Variants in WFDC10B observed in about 807,000 individuals in gnomAD.
WFDC10B encodes the protein WAP four-disulfide core domain 10B.
Under a neutral mutation model 2.7 loss-of-function variants are expected in WFDC10B, and 1 was observed. The observed-to-expected ratio is 0.38, with a 90% CI of 0.13 to 1.79. WFDC10B has a LOEUF of 1.79. WFDC10B is among the 40% of genes most tolerant of loss of function. WFDC10B has a pLI of 0.33. For synonymous variants in WFDC10B, 26 were observed against 32.2 expected (o/e 0.81, Z 0.65); for missense variants, 71 against 87.8 (o/e 0.81, Z 0.76).
chr20:45,702,240 G>A, intron 2 of WFDC10B: 4 of 1,595,732 alleles, frequency 2.5e-6, no homozygotes, highest in Non-Finnish European at 3.4e-6. Flanking sequence ...CCCAAGGAGG[G>A]AAGTAACATG....
chr20:45,704,893 C>T (rs571448379), intron 1 of WFDC10B, 25 bp downstream of exon 1: 27 of 1,611,992 alleles, frequency 1.7e-5, no homozygotes, highest in South Asian at 1.3e-4. Flanking sequence ...ACCCAGAATC[C>T]ACCCTTATCC....
intron 2 of WFDC10B, among the ~76,000 whole-genome samples, chr20:45,693,399 T>A (rs1983878672): frequency 6.6e-6 from 1 of 152,212 alleles, no homozygotes; most frequent in South Asian, 2.1e-4. Context: ...AAGTTACTGC[T>A]GTCTTTGTTT....
chr20:45,695,328 G>T (rs1183887070), intron 2 of WFDC10B, among the ~76,000 whole-genome samples: 2 of 152,178 alleles, frequency 1.3e-5, no homozygotes, highest in Admixed American at 1.3e-4. Flanking sequence ...AGAATTGGTT[G>T]TTGGTGTTGG....
At chr20:45,699,981 A>C (rs1000864432) in intron 2 of WFDC10B, among the ~76,000 whole-genome samples, 30 of 152,188 alleles carry the variant, frequency 2.0e-4, no homozygotes, top group Non-Finnish European at 3.4e-4. Flanking sequence ...CCAGCCGTGC[A>C]TTTATCCTTT....
chr20:45,700,222 A>C (rs747378345), intron 2 of WFDC10B, among the ~76,000 whole-genome samples: 3 of 152,204 alleles, frequency 2.0e-5, no homozygotes, highest in Non-Finnish European at 4.4e-5. Flanking sequence ...ATATATTGTT[A>C]AATGAAAACA....
chr20:45,696,572 CA>C (rs1156383235), intron 2 of WFDC10B, among the ~76,000 whole-genome samples: 1 of 152,002 alleles, frequency 6.6e-6, no homozygotes, highest in Non-Finnish European at 1.5e-5. Context: ...AGTGGGACAT[CA>C]CCACCAACCT....
At chr20:45,700,068 T>C (rs918029816) in intron 2 of WFDC10B, among the ~76,000 whole-genome samples, 11 of 152,352 alleles carry the variant, frequency 7.2e-5, no homozygotes, top group South Asian at 4.1e-4. Context: ...TAATTGTTCA[T>C]TGCAGCATTA....
rs569566851 is a variant in WFDC10B, at chr20:45,704,818, G to A, written c.-130+100C>T. 1.1e-4 allele frequency: 145 copies of A among 1,375,912 alleles called. 1 individual carries two copies. Among genetic ancestry groups the A allele is most frequent in the Middle Eastern group, 2.2e-4 (1 of 4,630 alleles). The allele number at this position is 1,375,912 out of a possible 1,614,324, so 85.2% of individuals were successfully genotyped here. On this transcript the variant is annotated intron_variant, in intron 1 of 3. Transcript: ENST00000330523. ...ATCACCACATCCCATCACCATATCC[G>A]TGAATTTCTGACTCTGCCTCTCTGA...
intron 2 of WFDC10B, among the ~76,000 whole-genome samples, chr20:45,690,709 A>G (rs1246541506): frequency 6.6e-6 from 1 of 151,426 alleles, no homozygotes; most frequent in Non-Finnish European, 1.5e-5. Context: ...TTTTTATTGC[A>G]TCTATTTGAT....
At chr20:45,699,488 T>C (rs77008514) in intron 2 of WFDC10B, among the ~76,000 whole-genome samples, 3,423 of 152,238 alleles carry the variant, frequency 0.022, 140 homozygotes, top group African/African-American at 0.079. Context: ...ACATAGTAAA[T>C]GAACCTCAAA....
rs75161392 is a variant in WFDC10B at position 45,691,974 on chromosome 20, A to C, written c.-64-5918T>G. 7.2e-4 allele frequency among the ~76,000 whole-genome samples: 109 copies of C among 152,252 alleles called. 4 individuals are homozygous for C. The South Asian group carries it at 0.022, about 31-fold the overall frequency. On this transcript the variant is annotated intron_variant, in intron 2 of 3. Transcript: ENST00000330523. ...TGACATGATTTTGCAGTGGCTGGTA[A>C]CGGTTGTTCCTTTCCATGTTTAGTG...
intron 2 of WFDC10B, among the ~76,000 whole-genome samples, chr20:45,688,616 G>GT (rs1266913107): frequency 1.3e-5 from 2 of 152,150 alleles, no homozygotes; most frequent in African/African-American, 2.4e-5. Flanking sequence ...TTTTTCATGT[G>GT]TTTTTTGGCT....
chr20:45,702,705 T>G (rs1984215704), intron 2 of WFDC10B, among the ~76,000 whole-genome samples: 1 of 152,194 alleles, frequency 6.6e-6, no homozygotes, highest in Admixed American at 6.5e-5. Context: ...TTCCACATTT[T>G]CAAACTCCAG....
chr20:45,693,720 G>C (rs1287412057), intron 2 of WFDC10B, among the ~76,000 whole-genome samples: 1 of 152,206 alleles, frequency 6.6e-6, no homozygotes, highest in Non-Finnish European at 1.5e-5. Flanking sequence ...GATTTTCCAG[G>C]TGCCGTCTGT....
intron 2 of WFDC10B, among the ~76,000 whole-genome samples, chr20:45,689,125 A>G (rs1280573152): frequency 4.1e-5 from 6 of 147,184 alleles, no homozygotes; most frequent in African/African-American, 1.3e-4. Flanking sequence ...TGTTTTTCTC[A>G]GGTTTGTCAA....
Position 45,684,805 on chromosome 20 carries a change from T to C in WFDC10B, c.*25A>G, listed in dbSNP as rs1027904812. On this transcript the variant is annotated 3_prime_UTR_variant, in exon 4 of 4. Transcript: ENST00000330523. ...GGATGGAAGGGTTCAGGGAGCAGGA[T>C]GCACATCCCAGCCCACTCTCCCACT... The C allele has an allele frequency of 1.2e-6, 2 of 1,611,782 alleles. No individual in the cohort carries two copies. Among genetic ancestry groups the C allele is most frequent in the East Asian group, 4.5e-5 (2 of 44,836 alleles).
intron 2 of WFDC10B, among the ~76,000 whole-genome samples, chr20:45,686,538 T>TGG (rs1568669352): frequency 5.1e-5 from 7 of 136,472 alleles, no homozygotes; most frequent in African/African-American, 2.0e-4. Flanking sequence ...CATAATTTTT[T>TGG]TGGGGGGGGG....
chr20:45,691,303 T>C (rs1181977416), intron 2 of WFDC10B, among the ~76,000 whole-genome samples: 1 of 152,048 alleles, frequency 6.6e-6, no homozygotes, highest in African/African-American at 2.4e-5. Context: ...TGAAAAAAAA[T>C]GTATATTCTG....
rs774447836 is a variant in WFDC10B, at chr20:45,704,403, C to A, written c.-65+94G>T. 6.9e-6 allele frequency: 11 copies of A among 1,586,310 alleles called. No homozygotes were observed. In the South Asian group the frequency reaches 7.0e-5, roughly 10 times the overall value. On this transcript the variant is annotated intron_variant, in intron 2 of 3. Coordinates refer to ENST00000330523, the MANE Select transcript of WFDC10B (RefSeq NM_172006.2). ...TTCTGAGTTCTGAACATTACTCCAG[C>A]CTGTTGGTGAGGCCCTTCTCTTACT...
Sources: allele counts gnomAD v4.1 joint callset (sites outside exome capture counted in the v4.1 genomes callset), GRCh38; gene constraint gnomAD v4.1.1; transcripts MANE v1.5; gene names NCBI Gene and HGNC (gene_info 2026-07-23, HGNC 2026-07-21).